FAM153A: variants seen among roughly 807,000 people sequenced by gnomAD.
The protein encoded by FAM153A is family with sequence similarity 153 member A.
A neutral mutation model predicts 48.1 loss-of-function variants in FAM153A; 12 were observed. The ratio of observed to expected loss-of-function variants is 0.25; its 90% CI spans 0.16 to 0.40. The LOEUF (loss-of-function observed/expected upper bound fraction) is 0.40. FAM153A is among the 10% of genes least tolerant of loss of function. The pLI is 1.00. For synonymous variants in FAM153A, 36 were observed against 118.2 expected, an observed-to-expected ratio of 0.30 and a Z score of 4.51; for missense variants, 111 against 345.8, an observed-to-expected ratio of 0.32 and a Z score of 5.38.
intron 1 of FAM153A, among the ~76,000 whole-genome samples, chr5:177,773,946 G>A (rs1201478350): frequency 1.4e-4 from 15 of 103,700 alleles, no homozygotes; most frequent in African/African-American, 5.8e-4. Context: ...GAGAGTGGGG[G>A]CCAATATTCA....
rs1252859811 is a variant in FAM153A, at chr5:177,715,272, G to A, written c.*1222+1073C>T. ...GCTGAGATTACAGGCGTGAGCCACC[G>A]CACCCGGCCATCTCTATTTCTTATA... On this transcript the variant is annotated intron_variant and NMD_transcript_variant, in intron 25 of 26. Transcript: ENST00000360669. 4.0e-5 allele frequency among the ~76,000 whole-genome samples: 6 copies of A among 150,510 alleles called. No homozygotes were observed. The South Asian group carries it at 8.6e-4, about 21-fold the overall frequency.
chr5:177,724,104 C>T, exon 21 of FAM153A: 1 of 1,611,308 alleles, frequency 6.2e-7, no homozygotes, highest in Non-Finnish European at 8.5e-7. Context: ...CACTTGCCTT[C>T]AGAGGTCTCT....
downstream of FAM153A, chr5:177,718,527 A>T (rs1253515271): frequency 2.2e-5 from 3 of 135,108 alleles, 1 homozygote; most frequent in Admixed American, 2.2e-4. Flanking sequence ...GCTTTATTCC[A>T]TCATTCCTGG....
chr5:177,735,007 T>G lies in FAM153A; in HGVS notation c.665-74A>C, dbSNP rs1313663480. On this transcript the variant is annotated intron_variant, in intron 12 of 20. Coordinates refer to ENST00000614127, the Ensembl canonical transcript of FAM153A. Reference sequence around the variant, plus strand: ...AACAATTCAGTAACACTGCTTGAGGTGGGTTTGGGAGGAGGGTAGCAGGCA... The same window carrying G: ...AACAATTCAGTAACACTGCTTGAGGGGGGTTTGGGAGGAGGGTAGCAGGCA... 12 of 1,076,752 alleles carry G rather than the reference T, an allele frequency of 1.1e-5. No individual in the cohort carries two copies. The East Asian group carries it at 2.8e-4, about 25-fold the overall frequency. 66.7% of individuals were successfully genotyped at this position (1,076,752 alleles called of 1,614,324 possible). A position where few individuals can be genotyped will look rare whatever the true frequency, so the allele number is the denominator to read the frequency against.
At chr5:177,755,931 C>T (rs1315385004), upstream of FAM153A, among the ~76,000 whole-genome samples, 4 of 150,768 alleles carry the variant, frequency 2.7e-5, no homozygotes, top group East Asian at 3.9e-4. Context: ...CGTCAACTAA[C>T]GAGCAAAATA....
chr5:177,698,081 C>G, the FAM153A span, among the ~76,000 whole-genome samples: 1 of 151,386 alleles, frequency 6.6e-6, no homozygotes, highest in Admixed American at 6.6e-5. Context: ...GTGGGCTCTC[C>G]CCAGGGCTGG....
intron 18 of FAM153A, among the ~76,000 whole-genome samples, chr5:177,728,591 C>T (rs1432588456): frequency 6.3e-5 from 9 of 142,004 alleles, no homozygotes; most frequent in African/African-American, 1.9e-4. Flanking sequence ...TTTTTTGAGA[C>T]GGAGTTTCGC....
chr5:177,752,938 A>C (rs1196006862), intron 1 of FAM153A, among the ~76,000 whole-genome samples: 1 of 148,124 alleles, frequency 6.8e-6, no homozygotes, highest in Non-Finnish European at 1.5e-5. Context: ...CTTCCAAAAA[A>C]AAAAAAAAAA....
At chr5:177,714,331 T>C (rs1050294774) in intron 25 of FAM153A, among the ~76,000 whole-genome samples, 1 of 151,824 alleles carries the variant, frequency 6.6e-6, no homozygotes, top group African/African-American at 2.4e-5. Context: ...AATTGCTTTT[T>C]TTCTACAAAA....
At chr5:177,764,257 A>G (rs1768543592) in intron 1 of FAM153A, among the ~76,000 whole-genome samples, 1 of 150,394 alleles carries the variant, frequency 6.6e-6, no homozygotes, top group African/African-American at 2.5e-5. Flanking sequence ...GAGGATGCCT[A>G]TGAACAGCTG....
the FAM153A span, among the ~76,000 whole-genome samples, chr5:177,699,405 G>T: frequency 6.6e-6 from 1 of 151,516 alleles, no homozygotes; most frequent in Non-Finnish European, 1.5e-5. Flanking sequence ...ACCAGAAGTT[G>T]GTTCTTTGAA....
downstream of FAM153A, chr5:177,707,978 A>C (rs2127545456): frequency 6.6e-6 from 1 of 151,988 alleles, no homozygotes; most frequent in Non-Finnish European, 1.5e-5. Flanking sequence ...CAGCCCAACT[A>C]CATTTATTAT....
At chr5:177,716,525 C>T (rs1189843507) in intron 24 of FAM153A, 1 of 151,710 alleles carries the variant, frequency 6.6e-6, no homozygotes, top group Non-Finnish European at 1.5e-5. Context: ...GCTGCACCAC[C>T]GAGCAGCATG....
chr5:177,697,076 A>G, the FAM153A span, among the ~76,000 whole-genome samples: 1 of 151,904 alleles, frequency 6.6e-6, no homozygotes, highest in Non-Finnish European at 1.5e-5. Flanking sequence ...ATCCATAAAT[A>G]TGGATGTCCC....
chr5:177,712,967 CTA>C (rs1010096954), exon 27 of FAM153A: 1 of 151,882 alleles, frequency 6.6e-6, no homozygotes, highest in Non-Finnish European at 1.5e-5. Flanking sequence ...AAATAATGGA[CTA>C]TGTGTCCATC....
At chr5:177,705,658 CTTT>C (rs70994931), downstream of FAM153A, among the ~76,000 whole-genome samples, 1,361 of 79,744 alleles carry the variant, frequency 0.017, 26 homozygotes, top group African/African-American at 0.053. Context: ...TTTTCTTTTT[CTTT>C]TTTTTTTTTT....
downstream of FAM153A, among the ~76,000 whole-genome samples, chr5:177,705,658 CTT>C (rs70994931): frequency 3.1e-3 from 246 of 79,810 alleles, 1 homozygote; most frequent in East Asian, 0.019. Context: ...TTTTCTTTTT[CTT>C]TTTTTTTTTT....
upstream of FAM153A, among the ~76,000 whole-genome samples, chr5:177,754,161 C>G (rs1434687031): frequency 3.9e-5 from 6 of 151,938 alleles, no homozygotes; most frequent in African/African-American, 1.5e-4. Context: ...TTCCAATGGT[C>G]TTAGCCAACG....
upstream of FAM153A, among the ~76,000 whole-genome samples, chr5:177,754,970 G>C (rs1767552890): frequency 6.6e-6 from 1 of 151,836 alleles, no homozygotes; most frequent in South Asian, 2.1e-4. Context: ...ACCAGTAACG[G>C]GACAAAGCTG....
Sources: gnomAD v4.1 joint callset for allele counts (sites outside exome capture counted in the v4.1 genomes callset) on GRCh38, gnomAD v4.1.1 for gene constraint, MANE v1.5 for transcripts, NCBI Gene and HGNC (gene_info 2026-07-23, HGNC 2026-07-21) for gene names.